The following DYNLRB2 variants were observed in gnomAD, a reference collection of about 807,000 sequenced individuals.
The protein encoded by DYNLRB2 is bithoraxoid-like protein.
A neutral mutation model predicts 12.6 loss-of-function variants in DYNLRB2; 14 were observed. That is an observed-to-expected ratio of 1.11 (90% CI 0.73 to 1.73). The LOEUF (loss-of-function observed/expected upper bound fraction) is 1.73, where lower values mean the gene tolerates loss of function less well. Ranked by LOEUF, DYNLRB2 falls within the 40% of genes most tolerant of loss-of-function variation. The pLI, the probability that DYNLRB2 is intolerant of heterozygous loss-of-function variation, is 0.00. For synonymous variants in DYNLRB2, 53 were observed against 37.0 expected (o/e 1.43, Z -1.57); for missense variants, 142 against 117.7 (o/e 1.21, Z -0.95).
At position 80,549,582 on chromosome 16, in the gene DYNLRB2, A is replaced by G. The variant is rs745502315; in HGVS notation, c.178A>G (p.Ile60Val). The G allele has an allele frequency of 6.2e-7, 1 of 1,612,608 alleles. No homozygotes were observed. Among genetic ancestry groups the G allele is most frequent in the South Asian group, 1.1e-5 (1 of 90,890 alleles). ...GAAAGCCAAAAGCACAGTTCGTGAT[A>G]TTGATCCTCAGAACGACCTGACTTT... ...TMKAKSTVRDIDPQNDLTFLR... is the reference protein window; with the variant it reads ...TMKAKSTVRDVDPQNDLTFLR... The change falls in exon 3 of 4, where the codon ATT (isoleucine) becomes GTT (valine). Residue 60 changes from isoleucine (I) to valine (V), a missense_variant. Transcript: ENST00000305904.
At chr16:80,549,950 C>A (rs1904735433) in intron 3 of DYNLRB2, among the ~76,000 whole-genome samples, 1 of 152,102 alleles carries the variant, frequency 6.6e-6, no homozygotes, top group Non-Finnish European at 1.5e-5. Flanking sequence ...ACAGACTCTG[C>A]AGAATGGGAG....
rs1567519966 is a variant in DYNLRB2 at position 80,550,761 on chromosome 16, G to T, written c.*203G>T. On this transcript the variant is annotated 3_prime_UTR_variant, in exon 4 of 4. Transcript: ENST00000305904. ...TTAGTGATACAATAAGTGAATTCTG[G>T]TATATACGTCTCTATTGTCTTATAA... The T allele has an allele frequency of 5.0e-6, 3 of 599,318 alleles. No individual in the cohort carries two copies. Among genetic ancestry groups the T allele is most frequent in the East Asian group, 5.6e-5 (2 of 35,748 alleles). The allele number at this position is 599,318 out of a possible 1,614,324, so 37.1% of individuals were successfully genotyped here. A position where few individuals can be genotyped will look rare whatever the true frequency, so the allele number is the denominator to read the frequency against.
At chr16:80,548,045 C>T (rs1023712375) in intron 2 of DYNLRB2, 7 of 312,730 alleles carry the variant, frequency 2.2e-5, no homozygotes, top group African/African-American at 1.1e-4. Flanking sequence ...TTCTTGAAAG[C>T]GCTTGTCTCG....
At chr16:80,543,418 TC>T in intron 2 of DYNLRB2, 67 bp downstream of exon 2, 4 of 1,481,972 alleles carry the variant, frequency 2.7e-6, no homozygotes, top group Non-Finnish European at 2.8e-6. Context: ...GCCGTGTTAG[TC>T]CTTAAGACAA....
intron 2 of DYNLRB2, among the ~76,000 whole-genome samples, chr16:80,546,336 T>G (rs1016530309): frequency 3.9e-5 from 6 of 152,218 alleles, no homozygotes; most frequent in African/African-American, 1.4e-4. Flanking sequence ...AGATGGTGTT[T>G]TATGTATTCT....
At chr16:80,547,329 G>A (rs1904536339) in intron 2 of DYNLRB2, among the ~76,000 whole-genome samples, 1 of 152,184 alleles carries the variant, frequency 6.6e-6, no homozygotes, top group Non-Finnish European at 1.5e-5. Flanking sequence ...GAAACCAGTG[G>A]TTGTTTCTCA....
chr16:80,547,905 G>A (rs1904578801), intron 2 of DYNLRB2: 3 of 446,234 alleles, frequency 6.7e-6, no homozygotes, highest in South Asian at 4.8e-5. Context: ...TCCTCATACT[G>A]TTTAGCAAAA....
chr16:80,542,978 C>G (rs889526895), intron 1 of DYNLRB2, among the ~76,000 whole-genome samples: 8 of 152,148 alleles, frequency 5.3e-5, no homozygotes, highest in African/African-American at 1.9e-4. Context: ...GTAAAGAATA[C>G]TTTTCTAGTA....
intron 2 of DYNLRB2, among the ~76,000 whole-genome samples, chr16:80,545,522 G>T (rs1003094432): frequency 6.6e-6 from 1 of 152,082 alleles, no homozygotes; most frequent in African/African-American, 2.4e-5. Flanking sequence ...AAATAAATAG[G>T]AAAGGAAGGG....
At chr16:80,549,247 T>A in intron 2 of DYNLRB2, 1 of 437,106 alleles carries the variant, frequency 2.3e-6, no homozygotes, top group Non-Finnish European at 4.1e-6. Flanking sequence ...ATGTTATAAT[T>A]TTGTGAAGAA....
upstream of DYNLRB2, chr16:80,540,964 GA>G: frequency 1.9e-6 from 3 of 1,561,314 alleles, no homozygotes; most frequent in Non-Finnish European, 2.6e-6. Context: ...GCGCAGCCCT[GA>G]CGCTTCCGTG....
Position 80,541,059 on chromosome 16 carries a change from A to C in DYNLRB2, c.-18A>C. 1 of 1,608,118 alleles carries C rather than the reference A, an allele frequency of 6.2e-7. No homozygotes were observed. Among genetic ancestry groups the C allele is most frequent in the Non-Finnish European group, 8.5e-7 (1 of 1,176,736 alleles). ...GGCTGTGCCGCCGGCCTGAGCCCAG[A>C]GTTTCGCGGCCTCCGCGATGGTAAA... On this transcript the variant is annotated 5_prime_UTR_variant, in exon 1 of 4. Transcript: ENST00000305904.
intron 2 of DYNLRB2, chr16:80,548,230 A>G (rs1182189508): frequency 5.9e-6 from 1 of 168,662 alleles, no homozygotes; most frequent in Non-Finnish European, 1.3e-5. Flanking sequence ...GCTATCTAGT[A>G]GTTCTTAAAA....
At chr16:80,550,452 G>A (rs1597096159) in intron 3 of DYNLRB2, 63 bp from the exon 4 acceptor site, 1 of 1,597,730 alleles carries the variant, frequency 6.3e-7, no homozygotes, top group Non-Finnish European at 8.6e-7. Flanking sequence ...AAGAAGACTA[G>A]TTGAAATATT....
At chr16:80,547,987 G>A (rs912855327) in intron 2 of DYNLRB2, 1 of 339,152 alleles carries the variant, frequency 2.9e-6, no homozygotes, top group Admixed American at 4.1e-5. Context: ...TGGTCTTCAA[G>A]ATTTTTATGA....
intron 2 of DYNLRB2, among the ~76,000 whole-genome samples, chr16:80,544,007 A>G (rs1904317297): frequency 6.6e-6 from 1 of 152,224 alleles, no homozygotes; most frequent in South Asian, 2.1e-4. Context: ...TTCATTGCTA[A>G]TTCAGACATT....
rs11866734 is a variant in DYNLRB2, at chr16:80,549,600, C to A, written c.196C>A (p.Leu66Met). ...TCGTGATATTGATCCTCAGAACGACCTGACTTTTCTTAGGATCAGATCAAA... is the reference window on the plus strand; with the variant it reads ...TCGTGATATTGATCCTCAGAACGACATGACTTTTCTTAGGATCAGATCAAA... ...TVRDIDPQND[L>M]TFLRIRSKKH... The change falls in exon 3 of 4, where the codon CTG (leucine) becomes ATG (methionine). Residue 66 changes from leucine to methionine, a missense_variant. Coordinates refer to ENST00000305904, the MANE Select transcript of DYNLRB2 (RefSeq NM_130897.3). The A allele has an allele frequency of 6.2e-7, 1 of 1,612,002 alleles. No individual in the cohort carries two copies. The highest frequency in any genetic ancestry group is 1.3e-5 in the African/African-American group (1 of 74,930).
intron 3 of DYNLRB2, among the ~76,000 whole-genome samples, chr16:80,550,095 G>A (rs534712624): frequency 6.6e-6 from 1 of 152,284 alleles, no homozygotes; most frequent in South Asian, 2.1e-4. Flanking sequence ...TTTCCCTGAA[G>A]GAATTAGGTT....
chr16:80,549,763 ATTC>A, intron 3 of DYNLRB2, 112 bp downstream of exon 3: 1 of 1,113,856 alleles, frequency 9.0e-7, no homozygotes, highest in East Asian at 2.9e-5. Flanking sequence ...AAAACATAAT[ATTC>A]TTCTATTACA....
Sources: allele counts gnomAD v4.1 joint callset (sites outside exome capture counted in the v4.1 genomes callset), GRCh38; gene constraint gnomAD v4.1.1; transcripts MANE v1.5; gene names NCBI Gene and HGNC (gene_info 2026-07-23, HGNC 2026-07-21).